The following SMARCB1 variants were observed in gnomAD, a reference collection of about 807,000 sequenced individuals.
The protein encoded by SMARCB1 is SWI/SNF-related matrix-associated actin-dependent regulator of chromatin subfamily B member 1.
Under a neutral mutation model 49.0 loss-of-function variants are expected in SMARCB1, and 5 were observed. The ratio of observed to expected loss-of-function variants is 0.10; its 90% CI spans 0.05 to 0.21. The LOEUF is 0.21. Among genes scored for constraint, SMARCB1 ranks in the 10% least tolerant of loss-of-function variants. SMARCB1 has a pLI of 1.00. For synonymous variants in SMARCB1, 201 were observed against 200.1 expected, an observed-to-expected ratio of 1.00 and a Z score of -0.04; for missense variants, 226 against 509.2, an observed-to-expected ratio of 0.44 and a Z score of 5.35.
chr22:23,809,618 A>G (rs1173389385), intron 5 of SMARCB1, among the ~76,000 whole-genome samples: 5 of 151,396 alleles, frequency 3.3e-5, no homozygotes, highest in Non-Finnish European at 5.9e-5. Context: ...TCACTGTGTT[A>G]GCCAGGATGG....
Position 23,820,700 on chromosome 22 carries a change from AT to A in SMARCB1, c.795+3767del, listed in dbSNP as rs557225570. Among the ~76,000 whole-genome samples the A allele has an allele frequency of 2.3e-4, 35 of 150,920 alleles. No homozygotes were observed. The South Asian group carries it at 7.5e-3, about 32-fold the overall frequency. On this transcript the variant is annotated intron_variant, in intron 6 of 8. Transcript: ENST00000644036. ...TAATACCTTTTTGAGAGGAATACAA[AT>A]TTGTTTCAGTTTCACATTATGGCCA... is the stretch of plus-strand genomic sequence containing the variant.
Position 23,835,740 on chromosome 22 carries a change from C to A in SMARCB1, c.*1560C>A. ...TGTTCTGTCCATGAGGTAGGAACCT[C>A]GGCAATGAAAGGGTGAGGCAGCCCT... On this transcript the variant is annotated 3_prime_UTR_variant, in exon 9 of 9. Transcript: ENST00000644036. The A allele has an allele frequency of 1.0e-6, 1 of 985,454 alleles. No individual in the cohort carries two copies. Among genetic ancestry groups the A allele is most frequent in the Non-Finnish European group, 1.2e-6 (1 of 829,934 alleles). The allele number at this position is 985,454 out of a possible 1,614,324, so 61.0% of individuals were successfully genotyped here.
At position 23,837,875 on chromosome 22, in the gene SMARCB1, TC is replaced by T. The variant is rs1427476261; in HGVS notation, c.*3697del. ...AGCAGCTGGGCCAGAGTCAAGGTGC[TC>T]CGGTGCAGGCCTCAGCCCAAGCCCA... On this transcript the variant is annotated 3_prime_UTR_variant, in exon 9 of 9. Transcript: ENST00000644036. 6.2e-7 allele frequency: 1 copy of T among 1,603,070 alleles called. No homozygotes were observed. Among genetic ancestry groups the T allele is most frequent in the African/African-American group, 1.3e-5 (1 of 74,762 alleles).
intron 5 of SMARCB1, among the ~76,000 whole-genome samples, chr22:23,809,215 T>G (rs6003890): frequency 0.096 from 14,515 of 151,694 alleles, 2,054 homozygotes; most frequent in African/African-American, 0.32. Flanking sequence ...AAAAGAACTG[T>G]TAATCTAGAA....
intron 7 of SMARCB1, among the ~76,000 whole-genome samples, chr22:23,830,466 C>T (rs9608206): frequency 2.6e-5 from 4 of 152,036 alleles, no homozygotes; most frequent in Non-Finnish European, 4.4e-5. Flanking sequence ...TTGCTAGTTT[C>T]TTAATTGGGT....
chr22:23,832,953 T>A (rs1404513076), intron 7 of SMARCB1, among the ~76,000 whole-genome samples: 1 of 152,034 alleles, frequency 6.6e-6, no homozygotes, highest in African/African-American at 2.4e-5. Context: ...GGATACGGCT[T>A]CTGTCCAGCT....
intron 6 of SMARCB1, 81 bp from the exon 7 acceptor site, chr22:23,825,144 C>T: frequency 8.1e-7 from 1 of 1,237,320 alleles, no homozygotes; most frequent in Middle Eastern, 2.0e-4. Context: ...AGGGCCCACC[C>T]CAGGCCTGGC....
chr22:23,833,323 C>T (rs1418802342), intron 7 of SMARCB1, among the ~76,000 whole-genome samples: 2 of 152,184 alleles, frequency 1.3e-5, no homozygotes, highest in East Asian at 1.9e-4. Flanking sequence ...GACAGAGAGA[C>T]GCTGGGCACA....
In SMARCB1 at chr22:23,803,934, A is replaced by G. The variant is rs561586452; in HGVS notation, c.628+512A>G. ...CTGGACAGAACTCGGTCTTTGTGCA[A>G]ATGTAGACAGAAAGGTTAGAAGGAT... On this transcript the variant is annotated intron_variant, in intron 5 of 8. Coordinates refer to ENST00000644036, the MANE Select transcript of SMARCB1 (RefSeq NM_003073.5). The G allele has an allele frequency of 7.9e-5, 17 of 216,366 alleles. 1 individual carries two copies. The highest frequency in any genetic ancestry group is 1.5e-4 in the Non-Finnish European group (16 of 105,734). The allele number at this position is 216,366 out of a possible 1,614,324, so 13.4% of individuals were successfully genotyped here.
At position 23,834,586 on chromosome 22, in the gene SMARCB1, G is replaced by A. The variant is rs551586310; in HGVS notation, c.*406G>A. The A allele has an allele frequency of 2.8e-6, 2 of 708,080 alleles. No homozygotes were observed. The highest frequency in any genetic ancestry group is 2.7e-5 in the East Asian group (1 of 37,112). 43.9% of individuals were successfully genotyped at this position (708,080 alleles called of 1,614,324 possible). On this transcript the variant is annotated 3_prime_UTR_variant, in exon 9 of 9. Transcript: ENST00000644036. Reference sequence around the variant, plus strand: ...AGAGCCAGGAGTGGGGCCGGGGCCTGGGGGGACGAAGGTGGTATGTGAACA... The same window carrying A: ...AGAGCCAGGAGTGGGGCCGGGGCCTAGGGGGACGAAGGTGGTATGTGAACA...
Position 23,794,836 on chromosome 22 carries a change from T to G in SMARCB1, c.362+1148T>G, listed in dbSNP as rs184828028. Among the ~76,000 whole-genome samples, 755 of 152,220 alleles carry G rather than the reference T, an allele frequency of 5.0e-3. 18 individuals are homozygous for G. In the South Asian group the frequency reaches 0.085, roughly 17 times the overall value. ...TTGCTTGAACCCGGGAGGTGGAGAT[T>G]GCAGTGAGCTGAGGTTGCACCTTTG... is the stretch of plus-strand genomic sequence containing the variant. On this transcript the variant is annotated intron_variant, in intron 3 of 8. Transcript: ENST00000644036.
chr22:23,828,722 G>A (rs1004822280), intron 7 of SMARCB1, among the ~76,000 whole-genome samples: 2 of 152,228 alleles, frequency 1.3e-5, no homozygotes, highest in African/African-American at 4.8e-5. Flanking sequence ...CCAAGAGCCA[G>A]TCCCTCCATC....
At chr22:23,796,386 G>A (rs1158222619) in intron 3 of SMARCB1, among the ~76,000 whole-genome samples, 1 of 145,536 alleles carries the variant, frequency 6.9e-6, no homozygotes, top group Non-Finnish European at 1.5e-5. Context: ...AGTGACCCGA[G>A]ACGGGTCCTG....
intron 6 of SMARCB1, chr22:23,818,219 C>T: frequency 6.6e-6 from 1 of 151,578 alleles, no homozygotes; most frequent in African/African-American, 2.4e-5. Flanking sequence ...AGTGTGCGAT[C>T]TCAGCTCACT....
At chr22:23,792,122 G>A in intron 2 of SMARCB1, 1 of 553,260 alleles carries the variant, frequency 1.8e-6, no homozygotes, top group Non-Finnish European at 3.3e-6. Flanking sequence ...GTATGTGAGC[G>A]GGCCGGGGCC....
chr22:23,833,530 A>T (rs2030779547), intron 7 of SMARCB1, 42 bp from the exon 8 acceptor site: 1 of 1,613,760 alleles, frequency 6.2e-7, no homozygotes, highest in Non-Finnish European at 8.5e-7. Flanking sequence ...CTCCATCTAT[A>T]GCTGGAAAAG....
rs531413817 is a variant in SMARCB1 at position 23,790,584 on chromosome 22, C to T, written c.94-1172C>T. 3.3e-5 allele frequency among the ~76,000 whole-genome samples: 5 copies of T among 151,250 alleles called. No individual in the cohort carries two copies. The South Asian group carries it at 8.4e-4, about 25-fold the overall frequency. ...TTAGGCCGGGTATGTGGCTCACACC[C>T]GTAATCCCAGCACTTTGGGAGGCCG... On this transcript the variant is annotated intron_variant, in intron 1 of 8. Transcript: ENST00000644036.
Position 23,833,716 on chromosome 22 carries a change from C to T in SMARCB1, c.1118+13C>T, listed in dbSNP as rs902860666. 6.2e-7 allele frequency: 1 copy of T among 1,613,842 alleles called. No homozygotes were observed. Among genetic ancestry groups the T allele is most frequent in the African/African-American group, 1.3e-5 (1 of 74,944 alleles). ...ACAGGAACACGAGGTACCCCTGGCC[C>T]TGTGGTCCTGGGCTCTGCCCACAGG... On this transcript the variant is annotated intron_variant, in intron 8 of 8. Coordinates refer to ENST00000644036, the MANE Select transcript of SMARCB1 (RefSeq NM_003073.5).
rs1260177954 is a variant in SMARCB1, at chr22:23,834,702, T to TCTCAGCTCCC, written c.*529_*538dup. On this transcript the variant is annotated 3_prime_UTR_variant, in exon 9 of 9. Coordinates refer to ENST00000644036, the MANE Select transcript of SMARCB1 (RefSeq NM_003073.5). ...GGGCTCCGGGTAGCACCTCAGCTCCTCTCAGCTCCCCTCAGCCTGTTCTCC... is the reference window on the plus strand; with the variant it reads ...GGGCTCCGGGTAGCACCTCAGCTCCTCTCAGCTCCCCTCAGCTCCCCTCAGCCTGTTCTCC... 3.7e-6 allele frequency: 5 copies of TCTCAGCTCCC among 1,344,054 alleles called. No individual in the cohort carries two copies. The highest frequency in any genetic ancestry group is 1.5e-5 in the South Asian group (1 of 68,558). The allele number at this position is 1,344,054 out of a possible 1,614,324, so 83.3% of individuals were successfully genotyped here.
Sources: gnomAD v4.1 joint callset for allele counts (sites outside exome capture counted in the v4.1 genomes callset) on GRCh38, gnomAD v4.1.1 for gene constraint, MANE v1.5 for transcripts, NCBI Gene and HGNC (gene_info 2026-07-23, HGNC 2026-07-21) for gene names.